Variants in PPP2R2C observed in about 807,000 individuals in gnomAD.
PPP2R2C encodes protein phosphatase 2 regulatory subunit Bgamma.
In PPP2R2C, 10 loss-of-function variants were observed where a neutral mutation model predicts 45.3. That is an observed-to-expected ratio of 0.22 (90% CI 0.14 to 0.37). The LOEUF (loss-of-function observed/expected upper bound fraction) is 0.37. Ranked by LOEUF, PPP2R2C falls within the 10% of genes least tolerant of loss-of-function variation. PPP2R2C has a pLI of 1.00. For missense variants in PPP2R2C, 308 were observed against 619.7 expected, an observed-to-expected ratio of 0.50 and a Z score of 5.34; for synonymous variants, 257 against 245.4, an observed-to-expected ratio of 1.05 and a Z score of -0.44.
chr4:6,414,091 T>C, intron 1 of PPP2R2C: 1 of 1,232,378 alleles, frequency 8.1e-7, no homozygotes, highest in South Asian at 1.7e-5. Flanking sequence ...TGTGTGTGTG[T>C]GTGTGTGTGT....
intron 5 of PPP2R2C, among the ~76,000 whole-genome samples, chr4:6,356,075 G>A (rs898028632): frequency 4.0e-5 from 6 of 150,974 alleles, no homozygotes; most frequent in Admixed American, 4.0e-4. Context: ...AGTCCATCAG[G>A]AAGAACTTGT....
chr4:6,427,295 C>T (rs1215179883), intron 1 of PPP2R2C, among the ~76,000 whole-genome samples: 1 of 152,234 alleles, frequency 6.6e-6, no homozygotes, highest in Non-Finnish European at 1.5e-5. Flanking sequence ...CGTTCAGCAT[C>T]TCAATGCTCA....
chr4:6,427,904 C>G (rs927083493), intron 1 of PPP2R2C, among the ~76,000 whole-genome samples: 1 of 152,184 alleles, frequency 6.6e-6, no homozygotes, highest in African/African-American at 2.4e-5. Context: ...GGCTCCCCCT[C>G]CTGGATGACT....
At chr4:6,357,067 G>T (rs576175660) in intron 5 of PPP2R2C, among the ~76,000 whole-genome samples, 1 of 150,146 alleles carries the variant, frequency 6.7e-6, no homozygotes, top group Non-Finnish European at 1.5e-5. Flanking sequence ...ACAGCGAGGT[G>T]CTGGGCAGGG....
chr4:6,427,873 C>T (rs1719412394), intron 1 of PPP2R2C, among the ~76,000 whole-genome samples: 1 of 152,184 alleles, frequency 6.6e-6, no homozygotes, highest in African/African-American at 2.4e-5. Flanking sequence ...CCACCGGGCA[C>T]AGGCAGGACT....
At chr4:6,371,887 G>A (rs970017900) in intron 5 of PPP2R2C, among the ~76,000 whole-genome samples, 4 of 152,136 alleles carry the variant, frequency 2.6e-5, no homozygotes, top group African/African-American at 4.8e-5. Context: ...CTGCCTGCCC[G>A]CCCACCAGCC....
chr4:6,381,151 G>C, intron 1 of PPP2R2C, 57 bp from the exon 2 acceptor site: 1 of 1,552,782 alleles, frequency 6.4e-7, no homozygotes. Flanking sequence ...CCTCTCCCGG[G>C]TGCTCAACAG....
intron 1 of PPP2R2C, among the ~76,000 whole-genome samples, chr4:6,453,458 T>C (rs1720846515): frequency 6.6e-6 from 1 of 151,990 alleles, no homozygotes; most frequent in Non-Finnish European, 1.5e-5. Flanking sequence ...CTCTATCCCA[T>C]GGGCAAAGGC....
intron 6 of PPP2R2C, among the ~76,000 whole-genome samples, chr4:6,339,452 G>A (rs1450115986): frequency 6.6e-6 from 1 of 152,268 alleles, no homozygotes; most frequent in African/African-American, 2.4e-5. Context: ...TTCCAGGCCT[G>A]GCAGAGAAGC....
At chr4:6,553,765 A>G (rs1343628470) in intron 1 of PPP2R2C, among the ~76,000 whole-genome samples, 1 of 152,042 alleles carries the variant, frequency 6.6e-6, no homozygotes, top group African/African-American at 2.4e-5. Flanking sequence ...TTTTTATCAG[A>G]TGTCAGTGCT....
At chr4:6,511,537 GTGGTGGTGA>G (rs1723493267) in intron 2 of PPP2R2C, among the ~76,000 whole-genome samples, 1 of 23,076 alleles carries the variant, frequency 4.3e-5, no homozygotes, top group African/African-American at 1.2e-4. Context: ...GGTGGTGGTG[GTGGTGGTGA>G]TGGTGGTGGT....
Position 6,323,040 on chromosome 4 carries a change from T to G in PPP2R2C, c.*262A>C. On this transcript the variant is annotated 3_prime_UTR_variant, in exon 9 of 9. Transcript: ENST00000382599. ...CCTGAACTGTAAGACTCCACAGTCA[T>G]GTCCATTTTATGATTTGTGGCGGTG... The G allele has an allele frequency of 5.0e-6, 2 of 399,564 alleles. No individual in the cohort carries two copies. The highest frequency in any genetic ancestry group is 4.1e-5 in the East Asian group (1 of 24,688). 24.8% of individuals were successfully genotyped at this position (399,564 alleles called of 1,614,324 possible). A position where few individuals can be genotyped will look rare whatever the true frequency, so the allele number is the denominator to read the frequency against.
At chr4:6,421,290 C>G (rs1167615350) in intron 1 of PPP2R2C, among the ~76,000 whole-genome samples, 1 of 152,138 alleles carries the variant, frequency 6.6e-6, no homozygotes, top group Non-Finnish European at 1.5e-5. Flanking sequence ...CCGTGCGGGT[C>G]AGCAGCTGGC....
intron 1 of PPP2R2C, among the ~76,000 whole-genome samples, chr4:6,404,186 G>C (rs1717635754): frequency 6.6e-6 from 1 of 152,116 alleles, no homozygotes; most frequent in Admixed American, 6.5e-5. Context: ...CAGGCTTCTG[G>C]GGAGCTCCTT....
chr4:6,502,119 G>A (rs545967940), intron 2 of PPP2R2C, among the ~76,000 whole-genome samples: 4 of 152,274 alleles, frequency 2.6e-5, no homozygotes, highest in South Asian at 2.1e-4. Context: ...GGATGAGGAC[G>A]AATGGATGCA....
chr4:6,404,657 T>TA (rs1553894765), intron 1 of PPP2R2C, among the ~76,000 whole-genome samples: 1 of 151,866 alleles, frequency 6.6e-6, no homozygotes, highest in Non-Finnish European at 1.5e-5. Flanking sequence ...GATGCTGGTG[T>TA]GGGCCCAGGA....
At chr4:6,510,534 GC>G (rs1381556795) in intron 2 of PPP2R2C, among the ~76,000 whole-genome samples, 1 of 152,038 alleles carries the variant, frequency 6.6e-6, no homozygotes. Context: ...CTGTGTCCCT[GC>G]CCCGCCCCAC....
At chr4:6,500,368 G>A (rs768186950) in intron 2 of PPP2R2C, among the ~76,000 whole-genome samples, 2 of 152,162 alleles carry the variant, frequency 1.3e-5, no homozygotes, top group Admixed American at 6.5e-5. Context: ...GGCTGGTCTC[G>A]AACTCCTGAC....
chr4:6,379,129 G>A (rs1270548124), intron 2 of PPP2R2C, among the ~76,000 whole-genome samples: 8 of 152,142 alleles, frequency 5.3e-5, no homozygotes, highest in African/African-American at 1.9e-4. Flanking sequence ...GAATTTGGGA[G>A]CAGACTTTAA....
Sources: allele counts gnomAD v4.1 joint callset (sites outside exome capture counted in the v4.1 genomes callset), GRCh38; gene constraint gnomAD v4.1.1; transcripts MANE v1.5; gene names NCBI Gene and HGNC (gene_info 2026-07-23, HGNC 2026-07-21).